The following MAPKAP1 variants were observed in gnomAD, a reference collection of about 807,000 sequenced individuals.
The protein encoded by MAPKAP1 is target of rapamycin complex 2 subunit MAPKAP1.
In MAPKAP1, 20 loss-of-function variants were observed where a neutral mutation model predicts 65.7. That is an observed-to-expected ratio of 0.30 (90% CI 0.21 to 0.44). The LOEUF (loss-of-function observed/expected upper bound fraction) is 0.44. Ranked by LOEUF, MAPKAP1 falls within the 20% of genes least tolerant of loss-of-function variation. The pLI is 1.00. For synonymous variants in MAPKAP1, 222 were observed against 244.3 expected, an observed-to-expected ratio of 0.91 and a Z score of 0.85; for missense variants, 423 against 648.0, an observed-to-expected ratio of 0.65 and a Z score of 3.77.
chr9:125,452,142 C>T (rs895003140), intron 10 of MAPKAP1, among the ~76,000 whole-genome samples: 2 of 151,822 alleles, frequency 1.3e-5, no homozygotes, highest in African/African-American at 2.4e-5. Flanking sequence ...CTCTGTCACT[C>T]AGCTGGAGTG....
chr9:125,699,453 T>TC (rs759847974), intron 1 of MAPKAP1, among the ~76,000 whole-genome samples: 3 of 151,982 alleles, frequency 2.0e-5, no homozygotes, highest in Non-Finnish European at 4.4e-5. Flanking sequence ...CAAGCAATCC[T>TC]CCCACCTTGG....
intron 4 of MAPKAP1, among the ~76,000 whole-genome samples, chr9:125,618,929 T>C (rs1310467937): frequency 6.6e-6 from 1 of 152,146 alleles, no homozygotes; most frequent in Non-Finnish European, 1.5e-5. Context: ...CCCAGAAGTT[T>C]GAGATCAGCC....
intron 7 of MAPKAP1, among the ~76,000 whole-genome samples, chr9:125,529,944 G>A (rs1314443927): frequency 6.6e-6 from 1 of 152,204 alleles, no homozygotes; most frequent in Non-Finnish European, 1.5e-5. Flanking sequence ...TAAAGCTGTT[G>A]CAGATATGCG....
At chr9:125,503,474 T>C (rs961044510) in intron 8 of MAPKAP1, among the ~76,000 whole-genome samples, 10 of 152,248 alleles carry the variant, frequency 6.6e-5, no homozygotes, top group African/African-American at 2.2e-4. Flanking sequence ...TGCTCTTTGA[T>C]GACTTTAGGA....
At chr9:125,591,795 A>C (rs1339714737) in intron 4 of MAPKAP1, among the ~76,000 whole-genome samples, 3 of 152,236 alleles carry the variant, frequency 2.0e-5, no homozygotes, top group Non-Finnish European at 4.4e-5. Flanking sequence ...ATAGAAAGTA[A>C]TTAACTTATT....
intron 7 of MAPKAP1, among the ~76,000 whole-genome samples, chr9:125,530,505 C>T (rs975496384): frequency 6.6e-6 from 1 of 152,208 alleles, no homozygotes; most frequent in Non-Finnish European, 1.5e-5. Flanking sequence ...CAGGCAATTA[C>T]AGTTTGTTCA....
intron 4 of MAPKAP1, among the ~76,000 whole-genome samples, chr9:125,645,064 G>A (rs1384352396): frequency 1.3e-5 from 2 of 152,096 alleles, no homozygotes; most frequent in Admixed American, 6.5e-5. Flanking sequence ...TTCATTCTGG[G>A]TCCTTTGTGT....
intron 3 of MAPKAP1, among the ~76,000 whole-genome samples, chr9:125,667,468 C>T (rs1834373094): frequency 7.7e-6 from 1 of 129,320 alleles, no homozygotes; most frequent in African/African-American, 2.7e-5. Context: ...TACAGGCGCA[C>T]ACCACCATGC....
chr9:125,693,792 T>C (rs1046974554), intron 1 of MAPKAP1, among the ~76,000 whole-genome samples: 3 of 145,936 alleles, frequency 2.1e-5, no homozygotes, highest in African/African-American at 5.3e-5. Context: ...CGTATATATA[T>C]ACACACATAT....
chr9:125,464,355 T>C lies in MAPKAP1; in HGVS notation c.1345+3617A>G, dbSNP rs1218914414. Reference sequence around the variant, plus strand: ...TGTTGAATACATCCTTGACCAGTTATAATAAATTAAAATCAATTCACCTTT... The same window carrying C: ...TGTTGAATACATCCTTGACCAGTTACAATAAATTAAAATCAATTCACCTTT... On this transcript the variant is annotated intron_variant, in intron 10 of 11. Coordinates refer to ENST00000265960, the MANE Select transcript of MAPKAP1 (RefSeq NM_001006617.3). Among the ~76,000 whole-genome samples the C allele has an allele frequency of 2.0e-5, 3 of 152,102 alleles. No homozygotes were observed. In the East Asian group the frequency reaches 5.8e-4, roughly 29 times the overall value.
intron 4 of MAPKAP1, among the ~76,000 whole-genome samples, chr9:125,622,131 G>C (rs916730047): frequency 1.4e-4 from 22 of 152,172 alleles, no homozygotes; most frequent in Admixed American, 5.9e-4. Flanking sequence ...TTGGAGGCTG[G>C]GAGAAGTATG....
chr9:125,650,621 G>A (rs1345712659), intron 4 of MAPKAP1, among the ~76,000 whole-genome samples: 2 of 152,102 alleles, frequency 1.3e-5, no homozygotes, highest in East Asian at 1.9e-4. Context: ...TAAGCCAATG[G>A]TGAATTCTAC....
intron 6 of MAPKAP1, among the ~76,000 whole-genome samples, chr9:125,548,727 G>A (rs1319037609): frequency 1.3e-5 from 2 of 151,966 alleles, no homozygotes; most frequent in Non-Finnish European, 2.9e-5. Flanking sequence ...TATATAATAA[G>A]CATAAGCATT....
intron 7 of MAPKAP1, among the ~76,000 whole-genome samples, chr9:125,520,493 A>C (rs903227872): frequency 1.3e-5 from 2 of 152,134 alleles, no homozygotes; most frequent in African/African-American, 4.8e-5. Context: ...CTCAGTTTGG[A>C]ACAATCTTCC....
chr9:125,541,271 A>G (rs1293191940), intron 7 of MAPKAP1, among the ~76,000 whole-genome samples: 1 of 152,198 alleles, frequency 6.6e-6, no homozygotes, highest in Non-Finnish European at 1.5e-5. Context: ...CGGGTATGCA[A>G]TTGGACAGAG....
chr9:125,546,392 G>C (rs1412925571), intron 6 of MAPKAP1, among the ~76,000 whole-genome samples: 1 of 152,180 alleles, frequency 6.6e-6, no homozygotes, highest in Non-Finnish European at 1.5e-5. Flanking sequence ...AGCGCTTTGG[G>C]GGGAGATGGG....
intron 8 of MAPKAP1, among the ~76,000 whole-genome samples, chr9:125,496,936 C>G (rs1368362274): frequency 6.6e-6 from 1 of 152,112 alleles, no homozygotes; most frequent in Non-Finnish European, 1.5e-5. Context: ...GCAGAGGGGA[C>G]TCAGACTGGG....
chr9:125,653,788 T>C (rs1243196948), intron 4 of MAPKAP1, among the ~76,000 whole-genome samples: 2 of 152,218 alleles, frequency 1.3e-5, no homozygotes. Flanking sequence ...CATCCTAGCA[T>C]TATCCTATTT....
In MAPKAP1 at chr9:125,699,040, T is replaced by C. The variant is rs973167426; in HGVS notation, c.-70+7931A>G. 4.6e-5 allele frequency among the ~76,000 whole-genome samples: 7 copies of C among 152,316 alleles called. No individual in the cohort carries two copies. In the East Asian group the frequency reaches 1.3e-3, roughly 29 times the overall value. On this transcript the variant is annotated intron_variant, in intron 1 of 11. Transcript: ENST00000265960. ...CCATTAGAGGTTGGCATCCCTTATC[T>C]AAAATGCTTGGGACCAGAAGTGTTT... is the stretch of plus-strand genomic sequence containing the variant.
Sources: gnomAD v4.1 joint callset for allele counts (sites outside exome capture counted in the v4.1 genomes callset) on GRCh38, gnomAD v4.1.1 for gene constraint, MANE v1.5 for transcripts, NCBI Gene and HGNC (gene_info 2026-07-23, HGNC 2026-07-21) for gene names.